ZBTB7C: variants seen among roughly 807,000 people sequenced by gnomAD.
ZBTB7C encodes the protein zinc finger and BTB domain containing 7C.
A neutral mutation model predicts 25.7 loss-of-function variants in ZBTB7C; 8 were observed. The observed-to-expected ratio is 0.31, with a 90% confidence interval of 0.18 to 0.56. ZBTB7C has a LOEUF of 0.56. Among genes scored for constraint, ZBTB7C ranks in the 20% least tolerant of loss-of-function variants. ZBTB7C has a pLI of 0.91. For missense variants in ZBTB7C, 824 were observed against 855.2 expected (o/e 0.96, Z 0.46); for synonymous variants, 394 against 369.0 (o/e 1.07, Z -0.78).
intron 3 of ZBTB7C, among the ~76,000 whole-genome samples, chr18:48,106,006 T>C (rs1277673216): frequency 6.6e-6 from 1 of 152,230 alleles, no homozygotes; most frequent in Non-Finnish European, 1.5e-5. Flanking sequence ...TGATAACACG[T>C]CCTATGACCT....
chr18:48,030,499 T>G (rs113329954), intron 4 of ZBTB7C, among the ~76,000 whole-genome samples: 150 of 152,358 alleles, frequency 9.8e-4, no homozygotes, highest in African/African-American at 3.5e-3. Flanking sequence ...TCCTAAGCCT[T>G]GGGCTCTCCT....
intron 2 of ZBTB7C, among the ~76,000 whole-genome samples, chr18:48,189,752 G>T (rs773834031): frequency 2.0e-5 from 3 of 152,114 alleles, no homozygotes; most frequent in African/African-American, 4.8e-5. Context: ...CAATCCCAAC[G>T]ACCTGGCTCG....
intron 2 of ZBTB7C, among the ~76,000 whole-genome samples, chr18:48,275,646 C>G (rs1199570932): frequency 2.0e-5 from 3 of 152,202 alleles, no homozygotes; most frequent in African/African-American, 7.2e-5. Context: ...AAACAATGTG[C>G]ATGTAATACT....
chr18:48,314,056 C>T (rs971239840), intron 2 of ZBTB7C, among the ~76,000 whole-genome samples: 27 of 152,192 alleles, frequency 1.8e-4, no homozygotes, highest in Non-Finnish European at 3.1e-4. Flanking sequence ...ACCGTGCTTC[C>T]TGTACAGGCT....
intron 3 of ZBTB7C, among the ~76,000 whole-genome samples, chr18:48,164,475 T>G (rs1339403537): frequency 6.6e-6 from 1 of 152,196 alleles, no homozygotes; most frequent in Non-Finnish European, 1.5e-5. Context: ...CACATACATA[T>G]GTATACACAA....
chr18:48,306,608 C>A (rs984457439), intron 2 of ZBTB7C, among the ~76,000 whole-genome samples: 3 of 152,172 alleles, frequency 2.0e-5, no homozygotes, highest in Admixed American at 1.3e-4. Flanking sequence ...ATATAGAATT[C>A]CATATAGCTG....
At chr18:48,180,612 G>C in intron 3 of ZBTB7C, 1 of 308,574 alleles carries the variant, frequency 3.2e-6, no homozygotes, top group Non-Finnish European at 6.4e-6. Context: ...GGGTGGGCCA[G>C]ACAAGGGCAA....
intron 2 of ZBTB7C, among the ~76,000 whole-genome samples, chr18:48,337,331 T>C (rs957214264): frequency 2.0e-5 from 3 of 152,218 alleles, no homozygotes; most frequent in African/African-American, 4.8e-5. Context: ...CGGTGGAAGT[T>C]GCCAGGGTGG....
chr18:48,243,304 A>C (rs1202831978), intron 2 of ZBTB7C, among the ~76,000 whole-genome samples: 2 of 149,306 alleles, frequency 1.3e-5, no homozygotes, highest in African/African-American at 4.9e-5. Context: ...CCTAGCTCTG[A>C]TAAATGATTT....
intron 4 of ZBTB7C, among the ~76,000 whole-genome samples, chr18:48,039,487 A>C (rs893498835): frequency 1.3e-5 from 2 of 152,182 alleles, no homozygotes; most frequent in African/African-American, 4.8e-5. Context: ...GAATATGCTT[A>C]ATAAAGGTCA....
Position 48,262,890 on chromosome 18 carries a change from C to T in ZBTB7C, c.-79+75284G>A, listed in dbSNP as rs376440374. Among the ~76,000 whole-genome samples the T allele has an allele frequency of 2.2e-4, 34 of 152,272 alleles. No individual in the cohort carries two copies. In the South Asian group the frequency reaches 6.8e-3, roughly 31 times the overall value. On this transcript the variant is annotated intron_variant, in intron 2 of 4. Transcript: ENST00000590800. ...CCAGTATCACTGGATGCAGAATCTG[C>T]GAGCCAAGAGCACTGGCTGGGCCTC...
At chr18:48,158,866 T>C (rs1464386098) in intron 3 of ZBTB7C, among the ~76,000 whole-genome samples, 1 of 152,170 alleles carries the variant, frequency 6.6e-6, no homozygotes, top group Non-Finnish European at 1.5e-5. Flanking sequence ...GGGGTGAGCA[T>C]GAAGCCGCTG....
chr18:48,263,865 A>C (rs982175624), intron 2 of ZBTB7C, among the ~76,000 whole-genome samples: 1 of 152,206 alleles, frequency 6.6e-6, no homozygotes, highest in Non-Finnish European at 1.5e-5. Flanking sequence ...GCAATAATAT[A>C]CCATTTTATA....
chr18:48,357,107 C>T (rs926558373), intron 1 of ZBTB7C, among the ~76,000 whole-genome samples: 11 of 152,308 alleles, frequency 7.2e-5, no homozygotes, highest in African/African-American at 2.6e-4. Flanking sequence ...AGCATATGTG[C>T]TAAGATTAAT....
At chr18:48,378,977 T>C (rs890527393) in intron 1 of ZBTB7C, among the ~76,000 whole-genome samples, 1 of 152,214 alleles carries the variant, frequency 6.6e-6, no homozygotes, top group Admixed American at 6.5e-5. Context: ...TAAGCTATAA[T>C]GTTCAGTAGC....
At chr18:48,130,345 G>A (rs2039949348) in intron 3 of ZBTB7C, among the ~76,000 whole-genome samples, 1 of 152,164 alleles carries the variant, frequency 6.6e-6, no homozygotes, top group Admixed American at 6.5e-5. Flanking sequence ...GCAAAGCTCT[G>A]GGGGCTTTAA....
Position 48,174,305 on chromosome 18 carries a change from G to C in ZBTB7C, c.-17+11629C>G, listed in dbSNP as rs552964840. 2.6e-5 allele frequency among the ~76,000 whole-genome samples: 4 copies of C among 152,094 alleles called. No individual in the cohort carries two copies. In the East Asian group the frequency reaches 7.7e-4, roughly 29 times the overall value. ...CAAGATATAAAGACAATTCACAAAA[G>C]GCAATATTAAAAATGATCATTAAAC... On this transcript the variant is annotated intron_variant, in intron 3 of 4. Coordinates refer to ENST00000590800, the MANE Select transcript of ZBTB7C (RefSeq NM_001318841.2).
chr18:48,218,284 GC>G (rs1352270198), intron 2 of ZBTB7C, among the ~76,000 whole-genome samples: 10 of 152,198 alleles, frequency 6.6e-5, no homozygotes, highest in Admixed American at 4.6e-4. Context: ...GCTGCAAAGG[GC>G]CGCTGAATCA....
intron 2 of ZBTB7C, among the ~76,000 whole-genome samples, chr18:48,253,452 T>C (rs7242821): frequency 0.95 from 144,396 of 152,200 alleles, 68,969 homozygotes; most frequent in Middle Eastern, 1. Flanking sequence ...ACAGTGGTGC[T>C]TGAGAGATGA....
Sources: allele counts gnomAD v4.1 joint callset (sites outside exome capture counted in the v4.1 genomes callset), GRCh38; gene constraint gnomAD v4.1.1; transcripts MANE v1.5; gene names NCBI Gene and HGNC (gene_info 2026-07-23, HGNC 2026-07-21).